Variants in DESI2 observed in about 807,000 individuals in gnomAD.
DESI2 encodes deubiquitinase DESI2.
DESI2 carries 10 observed loss-of-function variants against 24.1 expected under a neutral mutation model. The ratio of observed to expected loss-of-function variants is 0.41; its 90% CI spans 0.26 to 0.70. The LOEUF (loss-of-function observed/expected upper bound fraction) is 0.70. Among genes scored for constraint, DESI2 ranks in the 30% least tolerant of loss-of-function variants. DESI2 has a pLI of 0.29. For synonymous variants in DESI2, 71 were observed against 87.7 expected, an observed-to-expected ratio of 0.81 and a Z score of 1.06; for missense variants, 122 against 234.9, an observed-to-expected ratio of 0.52 and a Z score of 3.14.
intron 1 of DESI2, chr1:244,654,077 A>G (rs995323170): frequency 1.3e-5 from 6 of 467,686 alleles, no homozygotes; most frequent in Non-Finnish European, 2.7e-5. Flanking sequence ...GAAGTTGTTT[A>G]TTGTATCATC....
intron 1 of DESI2, among the ~76,000 whole-genome samples, chr1:244,665,166 ATTTTT>A (rs754865183): frequency 2.7e-5 from 4 of 147,014 alleles, no homozygotes; most frequent in African/African-American, 1.0e-4. Context: ...TTAATACCTG[ATTTTT>A]TTTTTTTAGT....
At chr1:244,653,989 G>T (rs1675559394) in intron 1 of DESI2, 1 of 471,196 alleles carries the variant, frequency 2.1e-6, no homozygotes, top group Non-Finnish European at 4.4e-6. Flanking sequence ...AGATCCTGGT[G>T]GTGCTCCTTT....
chr1:244,665,171 T>C (rs1287833746), intron 1 of DESI2, among the ~76,000 whole-genome samples: 1 of 152,208 alleles, frequency 6.6e-6, no homozygotes, highest in African/African-American at 2.4e-5. Context: ...ACCTGATTTT[T>C]TTTTTTTAGT....
intron 1 of DESI2, among the ~76,000 whole-genome samples, chr1:244,680,615 G>GTTAC (rs1676575595): frequency 6.6e-5 from 10 of 152,182 alleles, no homozygotes; most frequent in Middle Eastern, 3.2e-3. Context: ...TATTAATGAT[G>GTTAC]CTCAGTTCAA....
intron 1 of DESI2, chr1:244,656,453 G>T (rs1338845829): frequency 6.6e-6 from 1 of 152,210 alleles, no homozygotes; most frequent in Non-Finnish European, 1.5e-5. Flanking sequence ...ATTGCTTGCT[G>T]CCTTATCAGT....
In DESI2 at chr1:244,707,371, G is replaced by A. The variant is rs1677748596; in HGVS notation, c.*1582G>A. The A allele has an allele frequency of 6.6e-6, 1 of 152,640 alleles. No homozygotes were observed. The highest frequency in any genetic ancestry group is 1.5e-5 in the Non-Finnish European group (1 of 68,040). 9.5% of individuals were successfully genotyped at this position (152,640 alleles called of 1,614,324 possible). On this transcript the variant is annotated 3_prime_UTR_variant, in exon 5 of 5. Transcript: ENST00000302550. The stretch of plus-strand genomic sequence containing the variant: ...TAAGCATTAGCCTGAGGACAATGAA[G>A]CCACTTAACCTAATTTATGCTTTCG...
At chr1:244,663,825 T>C (rs905344499) in intron 1 of DESI2, among the ~76,000 whole-genome samples, 2 of 151,852 alleles carry the variant, frequency 1.3e-5, no homozygotes, top group African/African-American at 2.4e-5. Context: ...GAGACCATCC[T>C]GGCTAACACG....
chr1:244,689,406 A>G lies in DESI2; in HGVS notation c.209+64A>G. 3 of 770,144 alleles carry G rather than the reference A, an allele frequency of 3.9e-6. No homozygotes were observed. Among genetic ancestry groups the G allele is most frequent in the South Asian group, 1.6e-5 (1 of 60,884 alleles). The allele number at this position is 770,144 out of a possible 1,614,324, so 47.7% of individuals were successfully genotyped here. A position where few individuals can be genotyped will look rare whatever the true frequency, so the allele number is the denominator to read the frequency against. ...TGCCATAGCTTGTTTTCAGGTATACAGAATTCATTCTGTAAATCAAAACAA... is the reference window on the plus strand; with the variant it reads ...TGCCATAGCTTGTTTTCAGGTATACGGAATTCATTCTGTAAATCAAAACAA... On this transcript the variant is annotated intron_variant, in intron 3 of 4. Coordinates refer to ENST00000302550, the MANE Select transcript of DESI2 (RefSeq NM_016076.5). The surrounding 1 kb of genome is among the most constrained non-coding windows in gnomAD (Gnocchi z 4.0).
chr1:244,693,492 G>C (rs189051713), intron 4 of DESI2, among the ~76,000 whole-genome samples: 1 of 151,794 alleles, frequency 6.6e-6, no homozygotes, highest in Non-Finnish European at 1.5e-5. Flanking sequence ...AGTGCAGTGG[G>C]ACCATCTTGG....
chr1:244,676,851 CCAGTGCTT>C (rs1676432526), intron 1 of DESI2, among the ~76,000 whole-genome samples: 1 of 145,324 alleles, frequency 6.9e-6, no homozygotes, highest in African/African-American at 2.5e-5. Flanking sequence ...TGGATTTTGT[CCAGTGCTT>C]TTCTTTGTCT....
In DESI2 at chr1:244,689,136, A is replaced by C. The variant is rs1224493240; in HGVS notation, c.116-113A>C. The C allele has an allele frequency of 9.3e-6, 6 of 646,378 alleles. No individual in the cohort carries two copies. In the Admixed American group the frequency reaches 1.6e-4, roughly 17 times the overall value. 40.0% of individuals were successfully genotyped at this position (646,378 alleles called of 1,614,324 possible). On this transcript the variant is annotated intron_variant, in intron 2 of 4. Transcript: ENST00000302550. This position sits in a 1 kb window ranked among gnomAD's most constrained non-coding sequence, Gnocchi z 4.0. ...AGATATTTGTGAAAGCATTTTATAA[A>C]CTGAAAAATATTTAGATGGTGTCAC...
At position 244,707,704 on chromosome 1, in the gene DESI2, GCTA is replaced by G. The variant is rs1677764459; in HGVS notation, c.*1918_*1920del. The stretch of plus-strand genomic sequence containing the variant: ...TCAAGTATATATGATTTAAACCTGG[GCTA>G]CTGACACACACACAGTAGCCATTAG... On this transcript the variant is annotated 3_prime_UTR_variant, in exon 5 of 5. Transcript: ENST00000302550. 6.6e-6 allele frequency: 1 copy of G among 152,092 alleles called. No homozygotes were observed. 9.4% of individuals were successfully genotyped at this position (152,092 alleles called of 1,614,324 possible).
At chr1:244,656,884 C>T (rs571994671) in intron 1 of DESI2, among the ~76,000 whole-genome samples, 46 of 152,320 alleles carry the variant, frequency 3.0e-4, no homozygotes, top group African/African-American at 1.0e-3. Context: ...AAGTGATTCT[C>T]CCGCCTCAGC....
chr1:244,701,494 A>G (rs1369922356), intron 4 of DESI2, among the ~76,000 whole-genome samples: 2 of 152,176 alleles, frequency 1.3e-5, no homozygotes, highest in African/African-American at 2.4e-5. Flanking sequence ...TCAAAATTCT[A>G]TAGGCAGGTA....
At chr1:244,682,387 A>C (rs1446772997) in intron 1 of DESI2, among the ~76,000 whole-genome samples, 3 of 152,222 alleles carry the variant, frequency 2.0e-5, no homozygotes, top group Non-Finnish European at 2.9e-5. Context: ...CAGGAAGTCC[A>C]GCTGGCTTCA....
At chr1:244,701,968 G>A (rs567711456) in intron 4 of DESI2, among the ~76,000 whole-genome samples, 9 of 152,222 alleles carry the variant, frequency 5.9e-5, no homozygotes, top group African/African-American at 1.4e-4. Flanking sequence ...ATATGTGTAC[G>A]CTTGATTTTC....
At chr1:244,675,901 G>A (rs1384909788) in intron 1 of DESI2, among the ~76,000 whole-genome samples, 3 of 152,050 alleles carry the variant, frequency 2.0e-5, no homozygotes, top group Admixed American at 6.6e-5. Context: ...GTTCACAAGC[G>A]TGGAATGTCT....
At chr1:244,686,085 A>G (rs1426200942) in intron 1 of DESI2, among the ~76,000 whole-genome samples, 1 of 152,186 alleles carries the variant, frequency 6.6e-6, no homozygotes, top group Admixed American at 6.5e-5. Context: ...TGCATTGTTT[A>G]TTCTTATATT....
chr1:244,699,190 A>G (rs1228699757), intron 4 of DESI2, among the ~76,000 whole-genome samples: 1 of 152,240 alleles, frequency 6.6e-6, no homozygotes, highest in Non-Finnish European at 1.5e-5. Flanking sequence ...GGAGGAAAGC[A>G]GTGAGTGGCT....
Sources: gnomAD v4.1 joint callset for allele counts (sites outside exome capture counted in the v4.1 genomes callset) on GRCh38, gnomAD v4.1.1 for gene constraint, Gnocchi (gnomAD v3.1) non-coding constraint, MANE v1.5 for transcripts, NCBI Gene and HGNC (gene_info 2026-07-23, HGNC 2026-07-21) for gene names.